Variants in SDK1 observed in about 807,000 individuals in gnomAD.
SDK1 encodes the protein sidekick cell adhesion molecule 1, also known as protein sidekick-1.
SDK1 carries 157 observed loss-of-function variants against 245.5 expected under a neutral mutation model. The ratio of observed to expected loss-of-function variants is 0.64; its 90% CI spans 0.56 to 0.73. The LOEUF (loss-of-function observed/expected upper bound fraction) is 0.73. SDK1 is among the 30% of genes least tolerant of loss of function. The pLI, the probability that SDK1 is intolerant of heterozygous loss-of-function variation, is 0.00. For synonymous variants in SDK1, 1,647 were observed against 1,278.5 expected (o/e 1.29, Z -6.15); for missense variants, 3,583 against 3,002.3 (o/e 1.19, Z -4.52).
At chr7:3,940,059 T>C (rs1780300515) in intron 5 of SDK1, among the ~76,000 whole-genome samples, 1 of 152,200 alleles carries the variant, frequency 6.6e-6, no homozygotes, top group Non-Finnish European at 1.5e-5. Flanking sequence ...AGGTGGAGGA[T>C]GGCCGGAGCC....
intron 5 of SDK1, among the ~76,000 whole-genome samples, chr7:3,863,605 C>T (rs556348954): frequency 6.6e-6 from 1 of 152,308 alleles, no homozygotes; most frequent in East Asian, 1.9e-4. Flanking sequence ...TCAGCATCCT[C>T]ACTCTCTCTA....
intron 4 of SDK1, among the ~76,000 whole-genome samples, chr7:3,763,387 A>G (rs1170893677): frequency 6.6e-6 from 1 of 152,210 alleles, no homozygotes; most frequent in Admixed American, 6.5e-5. Context: ...AAGAATTGTA[A>G]AGTGAACATC....
rs1481853566 is a variant in SDK1 at position 3,363,490 on chromosome 7, G to A, written c.298+61606G>A. On this transcript the variant is annotated intron_variant, in intron 1 of 44. Transcript: ENST00000404826. ...GTGATAAGTGCCTAGGAATTCAGTT[G>A]TTGGCTTGTATGTTAATTGTATGTT... is the stretch of plus-strand genomic sequence containing the variant. Among the ~76,000 whole-genome samples the A allele has an allele frequency of 3.9e-5, 6 of 152,220 alleles. No homozygotes were observed. The South Asian group carries it at 1.0e-3, about 26-fold the overall frequency.
intron 4 of SDK1, among the ~76,000 whole-genome samples, chr7:3,664,748 A>C (rs1360353541): frequency 6.6e-6 from 1 of 152,104 alleles, no homozygotes; most frequent in Admixed American, 6.5e-5. Flanking sequence ...TCAAAAAAAA[A>C]AAAAAAAAAT....
intron 9 of SDK1, among the ~76,000 whole-genome samples, chr7:3,964,862 G>A (rs1781976461): frequency 6.6e-6 from 1 of 152,110 alleles, no homozygotes; most frequent in Non-Finnish European, 1.5e-5. Flanking sequence ...GGTGAACTAG[G>A]GGTCCCTTCC....
At chr7:3,537,252 C>G (rs1426045868) in intron 1 of SDK1, among the ~76,000 whole-genome samples, 4 of 152,204 alleles carry the variant, frequency 2.6e-5, no homozygotes, top group Non-Finnish European at 5.9e-5. Context: ...TCCCATTATC[C>G]ATTTGATCAC....
intron 1 of SDK1, among the ~76,000 whole-genome samples, chr7:3,347,798 T>G (rs1200176454): frequency 6.6e-6 from 1 of 152,214 alleles, no homozygotes; most frequent in African/African-American, 2.4e-5. Flanking sequence ...AAAGAGTTAA[T>G]ACAAGTTTCT....
At chr7:4,227,845 GA>G (rs1785531273) in intron 40 of SDK1, among the ~76,000 whole-genome samples, 2 of 152,216 alleles carry the variant, frequency 1.3e-5, no homozygotes, top group African/African-American at 4.8e-5. Flanking sequence ...GGTGTATTAG[GA>G]CATTGTCTGG....
intron 1 of SDK1, among the ~76,000 whole-genome samples, chr7:3,525,592 C>A (rs1287230233): frequency 2.0e-5 from 3 of 152,080 alleles, no homozygotes; most frequent in Non-Finnish European, 2.9e-5. Flanking sequence ...GGCCTGTACT[C>A]TAGCATTAGG....
At chr7:3,543,217 G>A (rs559570537) in intron 1 of SDK1, among the ~76,000 whole-genome samples, 2 of 152,238 alleles carry the variant, frequency 1.3e-5, no homozygotes, top group Admixed American at 6.5e-5. Flanking sequence ...AGATGTTACT[G>A]TAGAGAACTT....
intron 4 of SDK1, among the ~76,000 whole-genome samples, chr7:3,714,079 G>C (rs925114372): frequency 4.5e-4 from 69 of 152,148 alleles, no homozygotes; most frequent in African/African-American, 1.6e-3. Flanking sequence ...CCGGCTGCCT[G>C]ACAGCAAAGG....
intron 4 of SDK1, among the ~76,000 whole-genome samples, chr7:3,719,280 CTAGACA>C (rs776901976): frequency 6.7e-5 from 10 of 148,304 alleles, no homozygotes; most frequent in Non-Finnish European, 8.9e-5. Context: ...GGTACTAGAC[CTAGACA>C]GTCTCATTCT....
At chr7:4,013,867 C>G (rs952251350) in intron 16 of SDK1, among the ~76,000 whole-genome samples, 2 of 152,234 alleles carry the variant, frequency 1.3e-5, no homozygotes, top group Non-Finnish European at 2.9e-5. Flanking sequence ...GGAAGAGGAG[C>G]TTGCAGTTCT....
chr7:4,013,815 T>G (rs1786170683), intron 16 of SDK1, among the ~76,000 whole-genome samples: 1 of 152,204 alleles, frequency 6.6e-6, no homozygotes, highest in Non-Finnish European at 1.5e-5. Context: ...AGGCCCCTTT[T>G]GTCTCGAGGC....
intron 40 of SDK1, among the ~76,000 whole-genome samples, chr7:4,222,452 G>A (rs959366545): frequency 6.6e-6 from 1 of 151,910 alleles, no homozygotes; most frequent in Non-Finnish European, 1.5e-5. Context: ...CCGCCATCAC[G>A]CCCGGCTAAT....
At chr7:3,643,166 A>T (rs1424088387) in intron 4 of SDK1, 2 of 150,152 alleles carry the variant, frequency 1.3e-5, no homozygotes, top group African/African-American at 4.9e-5. Context: ...CTACCTGAGC[A>T]TCTGTGGAAT....
chr7:3,992,979 T>C (rs1042669078), intron 14 of SDK1, among the ~76,000 whole-genome samples: 1 of 152,222 alleles, frequency 6.6e-6, no homozygotes, highest in African/African-American at 2.4e-5. Context: ...GCACTATCAA[T>C]ATGTTGTGGG....
intron 4 of SDK1, among the ~76,000 whole-genome samples, chr7:3,663,304 T>C (rs991450417): frequency 2.0e-5 from 3 of 152,168 alleles, no homozygotes; most frequent in Non-Finnish European, 4.4e-5. Flanking sequence ...TGTTTTCAAG[T>C]GGGATAATTG....
At chr7:4,248,721 C>T (rs192201087) in intron 44 of SDK1, among the ~76,000 whole-genome samples, 8 of 152,186 alleles carry the variant, frequency 5.3e-5, no homozygotes, top group South Asian at 4.2e-4. Flanking sequence ...CACACGCACA[C>T]GCACATACCC....
Sources: gnomAD v4.1 joint callset for allele counts (sites outside exome capture counted in the v4.1 genomes callset) on GRCh38, gnomAD v4.1.1 for gene constraint, MANE v1.5 for transcripts, NCBI Gene and HGNC (gene_info 2026-07-23, HGNC 2026-07-21) for gene names.